Variants in PDE4D observed in about 807,000 individuals in gnomAD.
The protein encoded by PDE4D is 3',5'-cyclic-AMP phosphodiesterase 4D.
A neutral mutation model predicts 87.4 loss-of-function variants in PDE4D; 24 were observed. The ratio of observed to expected loss-of-function variants is 0.27; its 90% CI spans 0.20 to 0.39. The LOEUF is 0.39. PDE4D is among the 10% of genes least tolerant of loss of function. The pLI is 1.00. For synonymous variants in PDE4D, 384 were observed against 383.2 expected (o/e 1.00, Z -0.02); for missense variants, 714 against 1,041.0 (o/e 0.69, Z 4.32).
chr5:59,690,793 T>C (rs1750775711), intron 1 of PDE4D, among the ~76,000 whole-genome samples: 1 of 152,228 alleles, frequency 6.6e-6, no homozygotes, highest in African/African-American at 2.4e-5. Flanking sequence ...ACCTACAGAA[T>C]GGGAGAAAAT....
chr5:59,834,484 T>C (rs1741708591), intron 1 of PDE4D, among the ~76,000 whole-genome samples: 1 of 152,064 alleles, frequency 6.6e-6, no homozygotes, highest in South Asian at 2.1e-4. Context: ...TAAAATGGAA[T>C]GATTATATTT....
At chr5:59,111,671 C>G (rs1772667232) in intron 5 of PDE4D, among the ~76,000 whole-genome samples, 1 of 152,206 alleles carries the variant, frequency 6.6e-6, no homozygotes, top group Non-Finnish European at 1.5e-5. Flanking sequence ...GGGAATGAGA[C>G]AGAGACCAAA....
rs571689535 is a variant in PDE4D at position 59,015,796 on chromosome 5, A to G, written c.922-22331T>C. On this transcript the variant is annotated intron_variant, in intron 6 of 14. Coordinates refer to ENST00000340635, the MANE Select transcript of PDE4D (RefSeq NM_001104631.2). ...TGGATATATATCCAAAGGATTATAA[A>G]TCATGCTGCTATAAAGACACATTCA... is the stretch of plus-strand genomic sequence containing the variant. Among the ~76,000 whole-genome samples the G allele has an allele frequency of 2.0e-5, 3 of 152,350 alleles. No homozygotes were observed. The East Asian group carries it at 5.8e-4, about 29-fold the overall frequency.
Position 59,185,280 on chromosome 5 carries a change from T to C in PDE4D, c.685-18A>G, listed in dbSNP as rs755796982. 1.3e-6 allele frequency: 2 copies of C among 1,573,434 alleles called. No individual in the cohort carries two copies. The highest frequency in any genetic ancestry group is 1.4e-5 in the African/African-American group (1 of 73,684). Reference sequence around the variant, plus strand: ...GCCAAGACCTACAACAAGAAAGGATTCTTGAAACTTCTTGAGCTAAGGCCA... The same window carrying C: ...GCCAAGACCTACAACAAGAAAGGATCCTTGAAACTTCTTGAGCTAAGGCCA... On this transcript the variant is annotated intron_variant, in intron 3 of 14. Transcript: ENST00000340635.
At chr5:59,373,532 T>A (rs1298895896) in intron 1 of PDE4D, among the ~76,000 whole-genome samples, 1 of 152,056 alleles carries the variant, frequency 6.6e-6, no homozygotes, top group East Asian at 1.9e-4. Flanking sequence ...TATGAGATTA[T>A]GTAAAGAGAC....
intron 1 of PDE4D, among the ~76,000 whole-genome samples, chr5:59,832,329 C>A (rs1741369457): frequency 6.6e-6 from 1 of 152,052 alleles, no homozygotes; most frequent in African/African-American, 2.4e-5. Flanking sequence ...CATGTGGAAA[C>A]TCAGGTACAG....
At position 59,611,761 on chromosome 5, in the gene PDE4D, G is replaced by A. The variant is rs980818873; in HGVS notation, c.455+281407C>T. Among the ~76,000 whole-genome samples the A allele has an allele frequency of 2.0e-5, 3 of 152,110 alleles. No homozygotes were observed. In the East Asian group the frequency reaches 5.8e-4, roughly 29 times the overall value. The stretch of plus-strand genomic sequence containing the variant: ...CACCTTACTTTGTCACTTAAATGAA[G>A]TCCTAGAATGAACTGTGGCCCAGTA... On this transcript the variant is annotated intron_variant, in intron 1 of 14. Transcript: ENST00000340635.
At chr5:60,479,216 T>C (rs566204265) in intron 1 of PDE4D, among the ~76,000 whole-genome samples, 10 of 152,278 alleles carry the variant, frequency 6.6e-5, no homozygotes, top group African/African-American at 1.4e-4. Flanking sequence ...CTTTGAATAA[T>C]TGCATGAAAA....
intron 1 of PDE4D, among the ~76,000 whole-genome samples, chr5:59,666,162 T>C (rs920104045): frequency 6.6e-6 from 1 of 152,270 alleles, no homozygotes; most frequent in African/African-American, 2.4e-5. Context: ...GGTTTCGCCA[T>C]GTTGCCCAGG....
chr5:59,811,961 T>G (rs1581217594), intron 1 of PDE4D, among the ~76,000 whole-genome samples: 1 of 152,228 alleles, frequency 6.6e-6, no homozygotes, highest in Non-Finnish European at 1.5e-5. Flanking sequence ...AGTACATTAC[T>G]TTCCCCATCG....
rs1412426312 is a variant in PDE4D, at chr5:60,430,710, C to T, written c.-90+57232G>A. ...TGCGGCCTTCCGCAGTGTTTGCGTC[C>T]CTGGGTACTTGAGATTAGGGAGTGG... is the stretch of plus-strand genomic sequence containing the variant. On this transcript the variant is annotated intron_variant, in intron 1 of 16. Transcript: ENST00000502484. The T allele has an allele frequency of 2.9e-5, 8 of 273,022 alleles. No individual in the cohort carries two copies. In the South Asian group the frequency reaches 3.2e-4, roughly 11 times the overall value. The allele number at this position is 273,022 out of a possible 1,614,324, so 16.9% of individuals were successfully genotyped here.
rs529253283 is a variant in PDE4D at position 59,678,488 on chromosome 5, T to C, written c.455+214680A>G. Among the ~76,000 whole-genome samples, 17 of 152,174 alleles carry C rather than the reference T, an allele frequency of 1.1e-4. No homozygotes were observed. The South Asian group carries it at 2.9e-3, about 26-fold the overall frequency. ...TTTAGTTTTTTGTTTGTTTTTGAGATGTAGTCTGGCTCTGTCACCCAGGCT... is the reference window on the plus strand; with the variant it reads ...TTTAGTTTTTTGTTTGTTTTTGAGACGTAGTCTGGCTCTGTCACCCAGGCT... On this transcript the variant is annotated intron_variant, in intron 1 of 14. Transcript: ENST00000340635.
chr5:60,471,081 T>G (rs1421978597), intron 1 of PDE4D, among the ~76,000 whole-genome samples: 25 of 152,278 alleles, frequency 1.6e-4, no homozygotes, highest in Admixed American at 1.5e-3. Flanking sequence ...AAAACATTCA[T>G]GACTCATGGG....
In PDE4D at chr5:58,989,815, A is replaced by T. The variant is rs1352779128; in HGVS notation, c.1392T>A (p.Asn464Lys). 6.2e-7 allele frequency: 1 copy of T among 1,609,952 alleles called. No homozygotes were observed. Among genetic ancestry groups the T allele is most frequent in the Non-Finnish European group, 8.5e-7 (1 of 1,176,468 alleles). ...ACTGGACAACATCTGCAGCATGGAT[A>T]TTGTTGTGATAGGCCACATCAGCAT... is the stretch of plus-strand genomic sequence containing the variant. The part of the protein sequence containing the change: ...HYHADVAYHN[N>K]IHAADVVQST... Residue 464 changes from asparagine (N) to lysine (K), a missense_variant, in exon 10 of 15, where the codon AAT becomes AAA. This residue lies in a region of PDE4D where 141 missense variants were observed against 204.3 expected (regional missense o/e 0.69). Coordinates refer to ENST00000340635, the MANE Select transcript of PDE4D (RefSeq NM_001104631.2).
intron 2 of PDE4D, among the ~76,000 whole-genome samples, chr5:60,177,764 C>A (rs796553334): frequency 6.6e-6 from 1 of 152,146 alleles, no homozygotes; most frequent in African/African-American, 2.4e-5. Context: ...TTAATCTACT[C>A]CTCTCATGTT....
chr5:59,602,059 A>G lies in PDE4D; in HGVS notation c.455+291109T>C, dbSNP rs188684755. Among the ~76,000 whole-genome samples, 447 of 152,190 alleles carry G rather than the reference A, an allele frequency of 2.9e-3. 4 individuals carry two copies. The highest frequency in any genetic ancestry group is 1.0e-2 in the African/African-American group (414 of 41,544). ...CAACTGAATTTAAAAACACAATAAA[A>G]AGACTGTTCACCATGATCAAGTGGG... On this transcript the variant is annotated intron_variant, in intron 1 of 14. Transcript: ENST00000340635.
intron 1 of PDE4D, among the ~76,000 whole-genome samples, chr5:59,260,648 C>G (rs984277589): frequency 1.3e-5 from 2 of 151,554 alleles, no homozygotes; most frequent in Non-Finnish European, 3.0e-5. Flanking sequence ...AACTTCTGTA[C>G]TTTATTCAGG....
intron 1 of PDE4D, among the ~76,000 whole-genome samples, chr5:59,479,707 T>G (rs1401309658): frequency 6.6e-6 from 1 of 152,136 alleles, no homozygotes; most frequent in African/African-American, 2.4e-5. Context: ...CATATATGTG[T>G]ATGAATACAT....
intron 1 of PDE4D, among the ~76,000 whole-genome samples, chr5:59,353,531 C>T (rs1458938182): frequency 2.0e-5 from 3 of 152,122 alleles, no homozygotes; most frequent in African/African-American, 7.2e-5. Context: ...GCAGATAAAT[C>T]AGCACCTTGC....
Sources: gnomAD v4.1 joint callset for allele counts (sites outside exome capture counted in the v4.1 genomes callset) on GRCh38, gnomAD v4.1.1 for gene constraint, gnomAD v4.1.1 regional missense constraint, MANE v1.5 for transcripts, NCBI Gene and HGNC (gene_info 2026-07-23, HGNC 2026-07-21) for gene names.